CDH8: variants seen among roughly 807,000 people sequenced by gnomAD.
The protein encoded by CDH8 is cadherin-8.
A neutral mutation model predicts 68.1 loss-of-function variants in CDH8; 17 were observed. The observed-to-expected ratio is 0.25, with a 90% CI of 0.17 to 0.37. CDH8 has a LOEUF of 0.37. CDH8 is among the 10% of genes least tolerant of loss of function. The pLI is 1.00. For synonymous variants in CDH8, 372 were observed against 365.1 expected, an observed-to-expected ratio of 1.02 and a Z score of -0.21; for missense variants, 763 against 999.3, an observed-to-expected ratio of 0.76 and a Z score of 3.19.
chr16:61,900,369 A>G (rs999336824), intron 3 of CDH8, among the ~76,000 whole-genome samples: 2 of 152,154 alleles, frequency 1.3e-5, no homozygotes, highest in Admixed American at 1.3e-4. Flanking sequence ...ACATTTTAAA[A>G]AATGGCTTTT....
At chr16:61,830,455 C>T (rs983212988) in intron 4 of CDH8, among the ~76,000 whole-genome samples, 5 of 151,714 alleles carry the variant, frequency 3.3e-5, no homozygotes, top group African/African-American at 1.2e-4. Context: ...TCTAAAAAGC[C>T]AGAGAGAGGA....
intron 10 of CDH8, among the ~76,000 whole-genome samples, chr16:61,671,712 T>G (rs928392440): frequency 1.3e-5 from 2 of 152,090 alleles, no homozygotes; most frequent in African/African-American, 2.4e-5. Flanking sequence ...GAACGGCATG[T>G]GCTTTTGAAT....
At chr16:61,905,584 C>T (rs568382507) in intron 2 of CDH8, among the ~76,000 whole-genome samples, 6 of 152,166 alleles carry the variant, frequency 3.9e-5, no homozygotes, top group African/African-American at 1.4e-4. Flanking sequence ...GAGAGATTTT[C>T]ACGGAACTTT....
chr16:61,899,089 A>T (rs1962981522), intron 3 of CDH8, among the ~76,000 whole-genome samples: 1 of 152,160 alleles, frequency 6.6e-6, no homozygotes, highest in Non-Finnish European at 1.5e-5. Flanking sequence ...TCAACCAATC[A>T]TCTACATTAG....
At position 61,647,342 on chromosome 16, in the gene CDH8, T is replaced by G. The variant is rs1963227100; in HGVS notation, c.*6266A>C. On this transcript the variant is annotated 3_prime_UTR_variant, in exon 12 of 12. Coordinates refer to ENST00000577390, the MANE Select transcript of CDH8 (RefSeq NM_001796.5). ...TGGCTCTAACATTGAGCCAAAAACA[T>G]CCATTCACATACTCAACAATCAGAC... The G allele has an allele frequency of 6.6e-6, 1 of 150,740 alleles. No individual in the cohort carries two copies. Among genetic ancestry groups the G allele is most frequent in the Non-Finnish European group, 1.5e-5 (1 of 67,790 alleles). 9.3% of individuals were successfully genotyped at this position (150,740 alleles called of 1,614,324 possible). A position where few individuals can be genotyped will look rare whatever the true frequency, so the allele number is the denominator to read the frequency against.
intron 2 of CDH8, among the ~76,000 whole-genome samples, chr16:61,930,407 C>T (rs1964524180): frequency 6.6e-6 from 1 of 152,060 alleles, no homozygotes; most frequent in South Asian, 2.1e-4. Context: ...TGCTAGGATG[C>T]ACCCCAACTT....
chr16:61,666,995 A>G (rs1446602860), intron 10 of CDH8, among the ~76,000 whole-genome samples: 1 of 152,068 alleles, frequency 6.6e-6, no homozygotes, highest in Non-Finnish European at 1.5e-5. Flanking sequence ...GTTGCAGTGT[A>G]ATGAATTAAT....
chr16:61,977,840 A>G (rs1487627362), intron 2 of CDH8, among the ~76,000 whole-genome samples: 1 of 152,160 alleles, frequency 6.6e-6, no homozygotes, highest in Non-Finnish European at 1.5e-5. Context: ...TTTCTTCACA[A>G]CCACGAAACA....
intron 10 of CDH8, among the ~76,000 whole-genome samples, chr16:61,695,387 T>C (rs1421855149): frequency 1.3e-5 from 2 of 152,156 alleles, no homozygotes; most frequent in Non-Finnish European, 2.9e-5. Context: ...ATTGGGTAAA[T>C]GGAAGAGAAT....
At chr16:61,695,760 A>G (rs1303986822) in intron 10 of CDH8, among the ~76,000 whole-genome samples, 1 of 152,208 alleles carries the variant, frequency 6.6e-6, no homozygotes, top group Non-Finnish European at 1.5e-5. Flanking sequence ...CTAAAACAAT[A>G]TTACTCTTGT....
intron 10 of CDH8, among the ~76,000 whole-genome samples, chr16:61,671,593 T>C (rs1357372872): frequency 1.3e-5 from 2 of 152,008 alleles, no homozygotes; most frequent in East Asian, 3.9e-4. Flanking sequence ...ACATATATCT[T>C]TGGGCAGAAG....
chr16:62,013,282 A>AAG lies in CDH8; in HGVS notation c.252+7869_252+7870insCT, dbSNP rs1901859638. Among the ~76,000 whole-genome samples the AAG allele has an allele frequency of 1.3e-5, 2 of 150,826 alleles. 1 individual carries two copies. Among genetic ancestry groups the AAG allele is most frequent in the African/African-American group, 4.9e-5 (2 of 41,058 alleles). On this transcript the variant is annotated intron_variant, in intron 2 of 11. Transcript: ENST00000577390. ...GTCTCAAAAAAAAAAAAAAAAAAAAAAAAAAAAAAAATTAACTACTTAAAT... is the reference window on the plus strand; with the variant it reads ...GTCTCAAAAAAAAAAAAAAAAAAAAAAGAAAAAAAAAAATTAACTACTTAAAT...
At chr16:61,941,484 T>C (rs533859933) in intron 2 of CDH8, among the ~76,000 whole-genome samples, 1 of 152,338 alleles carries the variant, frequency 6.6e-6, no homozygotes, top group South Asian at 2.1e-4. Context: ...CTCTTCACTC[T>C]TGTTGCCCAG....
At chr16:61,830,418 C>G (rs1414087539) in intron 4 of CDH8, among the ~76,000 whole-genome samples, 1 of 151,708 alleles carries the variant, frequency 6.6e-6, no homozygotes, top group African/African-American at 2.4e-5. Context: ...AATAAAATGG[C>G]ATTTCTTATC....
chr16:61,747,768 G>T (rs1960058523), intron 8 of CDH8, among the ~76,000 whole-genome samples: 1 of 150,978 alleles, frequency 6.6e-6, no homozygotes, highest in Admixed American at 6.6e-5. Flanking sequence ...AAAATTGTTG[G>T]CACACTAAAA....
chr16:61,868,296 C>T (rs1342902895), intron 3 of CDH8, among the ~76,000 whole-genome samples: 3 of 152,074 alleles, frequency 2.0e-5, no homozygotes. Context: ...TCAGAAAATG[C>T]TTTGCATAGA....
chr16:61,955,044 A>ACCAAGT (rs1174990412), intron 2 of CDH8, among the ~76,000 whole-genome samples: 5 of 152,230 alleles, frequency 3.3e-5, no homozygotes, highest in Admixed American at 6.5e-5. Flanking sequence ...AAATGGCATT[A>ACCAAGT]CCAAGTCCAT....
At chr16:61,706,013 G>A (rs11648690) in intron 10 of CDH8, among the ~76,000 whole-genome samples, 64,112 of 151,918 alleles carry the variant, frequency 0.42, 13,809 homozygotes, top group African/African-American at 0.49. Flanking sequence ...GGCACATGAT[G>A]GACACCAAAT....
intron 10 of CDH8, among the ~76,000 whole-genome samples, chr16:61,700,306 C>T (rs939621539): frequency 3.2e-4 from 47 of 147,200 alleles, no homozygotes; most frequent in African/African-American, 8.3e-4. Context: ...TTTGAGACGG[C>T]GTCTCACTCT....
Sources: allele counts gnomAD v4.1 joint callset (sites outside exome capture counted in the v4.1 genomes callset), GRCh38; gene constraint gnomAD v4.1.1; transcripts MANE v1.5; gene names NCBI Gene and HGNC (gene_info 2026-07-23, HGNC 2026-07-21).